Variants in ARHGAP22 observed in about 807,000 individuals in gnomAD.
ARHGAP22 encodes the protein rho GTPase-activating protein 22.
A neutral mutation model predicts 59.1 loss-of-function variants in ARHGAP22; 48 were observed. The ratio of observed to expected loss-of-function variants is 0.81; its 90% CI spans 0.64 to 1.03. The LOEUF (loss-of-function observed/expected upper bound fraction) is 1.03. ARHGAP22 is among the 50% of genes least tolerant of loss of function. The probability of loss-of-function intolerance (pLI) is 0.00; values close to 1 mark genes in which losing one functional copy is unlikely to be tolerated. For missense variants in ARHGAP22, 1,015 were observed against 958.7 expected (o/e 1.06, Z -0.78); for synonymous variants, 445 against 416.4 (o/e 1.07, Z -0.84).
At chr10:48,551,259 G>T (rs1167259600) in intron 3 of ARHGAP22, among the ~76,000 whole-genome samples, 8 of 152,200 alleles carry the variant, frequency 5.3e-5, no homozygotes, top group Non-Finnish European at 1.0e-4. Flanking sequence ...CTTCCTGCAG[G>T]TGGCATCTTG....
chr10:48,477,921 C>A (rs573548278), intron 4 of ARHGAP22, among the ~76,000 whole-genome samples: 1 of 152,188 alleles, frequency 6.6e-6, no homozygotes. Flanking sequence ...TATAGCTTAT[C>A]TTTTCATTTT....
At chr10:48,445,075 G>A (rs1241893464), downstream of ARHGAP22, 1 of 152,352 alleles carries the variant, frequency 6.6e-6, no homozygotes, top group East Asian at 1.9e-4. Flanking sequence ...TGGGTAGCTG[G>A]CCACACTGTG....
intron 3 of ARHGAP22, among the ~76,000 whole-genome samples, chr10:48,523,410 G>C (rs577603959): frequency 1.9e-3 from 283 of 152,368 alleles, no homozygotes; most frequent in African/African-American, 6.5e-3. Flanking sequence ...TAAGTCGGCC[G>C]GGCCCCAGCC....
downstream of ARHGAP22, chr10:48,445,477 C>T (rs1467834647): frequency 1.3e-5 from 2 of 152,374 alleles, no homozygotes; most frequent in Non-Finnish European, 2.9e-5. Flanking sequence ...GTGGGAAAGG[C>T]TTTCTGGAGG....
intron 4 of ARHGAP22, chr10:48,466,819 C>G (rs931317027): frequency 3.3e-5 from 5 of 152,100 alleles, no homozygotes; most frequent in Admixed American, 6.6e-5. Flanking sequence ...TGTGAGTTGC[C>G]TGGAATGCCA....
At position 48,546,099 on chromosome 10, in the gene ARHGAP22, A is replaced by C. The variant is rs1052597698; in HGVS notation, c.322+9364T>G. On this transcript the variant is annotated intron_variant, in intron 3 of 9. Coordinates refer to ENST00000249601, the MANE Select transcript of ARHGAP22 (RefSeq NM_021226.4). ...CCCTGGCTTGATCCTGGAGAACTTG[A>C]CACATAAACTTGTAAATGCACGAAA... is the stretch of plus-strand genomic sequence containing the variant. Among the ~76,000 whole-genome samples the C allele has an allele frequency of 7.9e-5, 12 of 152,230 alleles. 1 individual carries two copies. The highest frequency in any genetic ancestry group is 2.9e-4 in the African/African-American group (12 of 41,460).
At chr10:48,491,160 G>A (rs989037699) in intron 3 of ARHGAP22, among the ~76,000 whole-genome samples, 2 of 152,086 alleles carry the variant, frequency 1.3e-5, no homozygotes, top group African/African-American at 2.4e-5. Context: ...GCCCCTCTTG[G>A]CAAAGGCCTC....
chr10:48,477,265 T>C (rs1269784177), intron 4 of ARHGAP22, among the ~76,000 whole-genome samples: 1 of 152,274 alleles, frequency 6.6e-6, no homozygotes, highest in African/African-American at 2.4e-5. Flanking sequence ...TATAGGTAGA[T>C]AATACAACAT....
intron 3 of ARHGAP22, among the ~76,000 whole-genome samples, chr10:48,486,878 G>A (rs1167650352): frequency 6.6e-6 from 1 of 152,102 alleles, no homozygotes; most frequent in Non-Finnish European, 1.5e-5. Context: ...CTTCAAGGTT[G>A]GAAATGTTTT....
rs551765801 is a variant in ARHGAP22 at position 48,563,217 on chromosome 10, G to A, written c.235-7667C>T. On this transcript the variant is annotated intron_variant, in intron 2 of 9. Coordinates refer to ENST00000249601, the MANE Select transcript of ARHGAP22 (RefSeq NM_021226.4). ...TTTTTTTTTTTTTTTTTTTTGAGAC[G>A]TATTCTTGCTCTGTGCCCCAGGCTG... Among the ~76,000 whole-genome samples the A allele has an allele frequency of 8.6e-3, 398 of 46,442 alleles. 3 individuals carry two copies. The highest frequency in any genetic ancestry group is 0.031 in the African/African-American group (375 of 12,274). The allele number at this position is 46,442 out of a possible 152,430, so 30.5% of individuals were successfully genotyped here. A position where few individuals can be genotyped will look rare whatever the true frequency, so the allele number is the denominator to read the frequency against.
chr10:48,638,573 G>C (rs771316498), intron 1 of ARHGAP22, among the ~76,000 whole-genome samples: 1 of 152,110 alleles, frequency 6.6e-6, no homozygotes, highest in Non-Finnish European at 1.5e-5. Context: ...AGTATCTCTT[G>C]AACCTCATTT....
At chr10:48,443,246 T>G (rs182136926), downstream of ARHGAP22, among the ~76,000 whole-genome samples, 1 of 152,226 alleles carries the variant, frequency 6.6e-6, no homozygotes, top group Admixed American at 6.5e-5. Flanking sequence ...AAGCTTTCTC[T>G]TTCCCCTTCC....
In ARHGAP22 at chr10:48,546,199, T is replaced by C. The variant is rs555694857; in HGVS notation, c.322+9264A>G. Among the ~76,000 whole-genome samples the C allele has an allele frequency of 8.7e-4, 132 of 152,282 alleles. 1 individual carries two copies. Among genetic ancestry groups the C allele is most frequent in the African/African-American group, 2.8e-3 (117 of 41,556 alleles). ...GGGGTCCCCGCTACTCCTGTGGCAG[T>C]GTGGTCTTTTCTGTCGACATTGCCA... On this transcript the variant is annotated intron_variant, in intron 3 of 9. Transcript: ENST00000249601.
At chr10:48,572,858 T>A (rs1228492515) in intron 2 of ARHGAP22, among the ~76,000 whole-genome samples, 2 of 152,214 alleles carry the variant, frequency 1.3e-5, no homozygotes, top group Non-Finnish European at 2.9e-5. Context: ...TGGCATGGCA[T>A]CACTTCTGTC....
chr10:48,583,064 C>T lies in ARHGAP22; in HGVS notation c.123G>A (p.Ala41=), dbSNP rs185292982. The T allele has an allele frequency of 6.0e-5, 97 of 1,614,284 alleles. No individual in the cohort carries two copies. In the East Asian group the frequency reaches 9.8e-4, roughly 16 times the overall value. ...TGCTCCTCTGCTTCTTCAGCCAGCCCGCCTTCAGCACGGGGCCCAGCCTGT... is the reference window on the plus strand; with the variant it reads ...TGCTCCTCTGCTTCTTCAGCCAGCCTGCCTTCAGCACGGGGCCCAGCCTGT... ...CPHRLGPVLK[A]GWLKKQRSIM... Residue 41 remains alanine (A), a synonymous_variant, in exon 2 of 10, where the codon GCG becomes GCA. Transcript: ENST00000249601.
At chr10:48,451,184 C>A (rs573031266) in intron 8 of ARHGAP22, 44 bp from the exon 9 acceptor site, 1 of 1,550,018 alleles carries the variant, frequency 6.5e-7, no homozygotes, top group Non-Finnish European at 8.7e-7. Context: ...GCCAGCCACT[C>A]GGCCCAGGCT....
chr10:48,477,999 T>C (rs2048904624), intron 4 of ARHGAP22, among the ~76,000 whole-genome samples: 1 of 152,156 alleles, frequency 6.6e-6, no homozygotes, highest in South Asian at 2.1e-4. Context: ...AATTTCATAA[T>C]AGATTAGTGT....
intron 1 of ARHGAP22, among the ~76,000 whole-genome samples, chr10:48,649,173 T>C (rs2062445027): frequency 6.6e-6 from 1 of 152,208 alleles, no homozygotes; most frequent in South Asian, 2.1e-4. Context: ...CCACCTACCA[T>C]TCCTCCCTTA....
upstream of ARHGAP22, among the ~76,000 whole-genome samples, chr10:48,654,776 T>TTC (rs1337493648): frequency 2.0e-4 from 9 of 45,028 alleles, no homozygotes; most frequent in Admixed American, 8.3e-4. Context: ...GCTGATTACT[T>TTC]TCTTTCTTTC....
Sources: gnomAD v4.1 joint callset for allele counts (sites outside exome capture counted in the v4.1 genomes callset) on GRCh38, gnomAD v4.1.1 for gene constraint, MANE v1.5 for transcripts, NCBI Gene and HGNC (gene_info 2026-07-23, HGNC 2026-07-21) for gene names.